The following USH2A variants were observed in gnomAD, a reference collection of about 807,000 sequenced individuals.
The protein encoded by USH2A is Usher syndrome 2A (autosomal recessive, mild).
USH2A carries 443 observed loss-of-function variants against 538.9 expected under a neutral mutation model. The ratio of observed to expected loss-of-function variants is 0.82; its 90% CI spans 0.76 to 0.89. USH2A has a LOEUF of 0.89. USH2A is among the 40% of genes least tolerant of loss of function. The pLI, the probability that USH2A is intolerant of heterozygous loss-of-function variation, is 0.00. For synonymous variants in USH2A, 2,413 were observed against 2,273.5 expected (o/e 1.06, Z -1.75); for missense variants, 6,633 against 6,324.8 (o/e 1.05, Z -1.65).
chr1:215,970,512 C>A (rs771994326), intron 36 of USH2A, 113 bp downstream of exon 36: 84 of 1,343,756 alleles, frequency 6.3e-5, no homozygotes, highest in Non-Finnish European at 8.6e-5. Flanking sequence ...ATCTCCCATC[C>A]TGCTTGAAAG....
intron 37 of USH2A, among the ~76,000 whole-genome samples, chr1:215,946,008 A>G (rs1666749499): frequency 6.6e-6 from 1 of 152,198 alleles, no homozygotes; most frequent in Non-Finnish European, 1.5e-5. Flanking sequence ...GAACTAGCCA[A>G]AAGAAGTCAT....
At chr1:216,378,252 TA>T (rs1319586007) in intron 3 of USH2A, among the ~76,000 whole-genome samples, 5 of 152,198 alleles carry the variant, frequency 3.3e-5, no homozygotes, top group Non-Finnish European at 5.9e-5. Context: ...CAACATCTAA[TA>T]TTTTTTTAAA....
chr1:215,751,607 G>A (rs1358266925), intron 58 of USH2A, among the ~76,000 whole-genome samples: 2 of 152,084 alleles, frequency 1.3e-5, no homozygotes, highest in African/African-American at 4.8e-5. Context: ...TATGTTCCAT[G>A]AAGCATTTGC....
chr1:215,817,164 T>A lies in USH2A; in HGVS notation c.9403A>T (p.Lys3135Ter). The change falls in exon 48 of 72, where the codon AAG (lysine) becomes TAG (stop). Residue 3135 changes from lysine to a stop codon, truncating the protein, a stop_gained. Coordinates refer to ENST00000307340, the MANE Select transcript of USH2A (RefSeq NM_206933.4). LOFTEE classifies it high-confidence loss of function. ...TATCCAAGAATGATGCCATTTGGCTTCCGTGGAGACACCCAATCAATTTGA... is the reference window on the plus strand; with the variant it reads ...TATCCAAGAATGATGCCATTTGGCTACCGTGGAGACACCCAATCAATTTGA... ...SLQIDWVSPR[K>*]PNGIILGYDL... The A allele has an allele frequency of 6.2e-7, 1 of 1,612,510 alleles. No individual in the cohort carries two copies. Among genetic ancestry groups the A allele is most frequent in the Non-Finnish European group, 8.5e-7 (1 of 1,178,866 alleles).
In USH2A at chr1:215,758,673, T is replaced by C. The variant is rs1188922034; in HGVS notation, c.11311A>G (p.Thr3771Ala). ...DDYIVQTPMS[T>A]PEEIYPPYNI... ...TATGGAGGATAGATTTCTTCTGGTGTTGACATAGGTGTTTGAACAATGTAA... is the reference window on the plus strand; with the variant it reads ...TATGGAGGATAGATTTCTTCTGGTGCTGACATAGGTGTTTGAACAATGTAA... The change falls in exon 58 of 72, where the codon ACA becomes GCA. Residue 3771 changes from threonine (T) to alanine (A), a missense_variant. Coordinates refer to ENST00000307340, the MANE Select transcript of USH2A (RefSeq NM_206933.4). 3.1e-6 allele frequency: 5 copies of C among 1,613,982 alleles called. No individual in the cohort carries two copies. The highest frequency in any genetic ancestry group is 4.2e-6 in the Non-Finnish European group (5 of 1,179,892).
At chr1:215,717,173 G>A (rs1263421420) in intron 61 of USH2A, among the ~76,000 whole-genome samples, 1 of 152,104 alleles carries the variant, frequency 6.6e-6, no homozygotes, top group Non-Finnish European at 1.5e-5. Context: ...TTGGCTCTTA[G>A]ACAACAAGTA....
chr1:215,966,842 G>T (rs1667359155), intron 36 of USH2A, among the ~76,000 whole-genome samples: 1 of 151,864 alleles, frequency 6.6e-6, no homozygotes, highest in South Asian at 2.1e-4. Context: ...AAGAATTAAG[G>T]GCAATTCCAG....
chr1:216,072,994 A>G, intron 28 of USH2A, 25 bp from the exon 29 acceptor site: 1 of 1,613,510 alleles, frequency 6.2e-7, no homozygotes, highest in Non-Finnish European at 8.5e-7. Flanking sequence ...AGATGCAGCA[A>G]GATTAAAATA....
At chr1:215,892,095 G>T (rs1665224342) in intron 40 of USH2A, among the ~76,000 whole-genome samples, 1 of 152,164 alleles carries the variant, frequency 6.6e-6, no homozygotes. Flanking sequence ...AGAGGAATCT[G>T]CTTATTTAGT....
rs116146054 is a variant in USH2A at position 216,321,124 on chromosome 1, T to C, written c.1644+759A>G. Among the ~76,000 whole-genome samples the C allele has an allele frequency of 4.8e-3, 725 of 152,288 alleles. 7 individuals are homozygous for C. The highest frequency in any genetic ancestry group is 0.017 in the African/African-American group (691 of 41,570). On this transcript the variant is annotated intron_variant, in intron 9 of 71. Transcript: ENST00000307340. ...TACAATCAGTAGAGCTCTAATTTTA[T>C]TTTCTTGCAAATTAGCAGCCAGTTG... is the stretch of plus-strand genomic sequence containing the variant.
chr1:216,223,945 C>G (rs2102507117), intron 14 of USH2A, among the ~76,000 whole-genome samples: 1 of 152,258 alleles, frequency 6.6e-6, no homozygotes, highest in Admixed American at 6.5e-5. Flanking sequence ...CAAAAATAAT[C>G]TGGGCATAGA....
intron 44 of USH2A, among the ~76,000 whole-genome samples, chr1:215,864,484 A>T (rs904930793): frequency 2.6e-5 from 4 of 152,162 alleles, no homozygotes; most frequent in Admixed American, 2.6e-4. Context: ...GACCAGGAAA[A>T]TGGGGACCGG....
At chr1:216,363,154 C>T (rs535158972) in intron 4 of USH2A, among the ~76,000 whole-genome samples, 22 of 152,112 alleles carry the variant, frequency 1.4e-4, no homozygotes, top group African/African-American at 5.1e-4. Flanking sequence ...CAATGCTGTA[C>T]ATTAAAATCC....
At chr1:216,129,337 C>A (rs542405668) in intron 21 of USH2A, among the ~76,000 whole-genome samples, 72 of 152,072 alleles carry the variant, frequency 4.7e-4, no homozygotes, top group African/African-American at 1.6e-3. Flanking sequence ...CACTGTTCTT[C>A]GTAGCGGCTA....
chr1:216,198,406 C>G lies in USH2A; in HGVS notation c.3990G>C (p.Glu1330Asp). ...PQTMTTITGL[E>D]PYTKYEFRVL... ...CTCTGAACTCATACTTGGTGTATGG[C>G]TCCAAGCCAGTGATGGTTGTCATTG... The change falls in exon 18 of 72, where the codon GAG becomes GAC. Residue 1330 changes from glutamate to aspartate, a missense_variant. Transcript: ENST00000307340. 1.2e-6 allele frequency: 2 copies of G among 1,614,014 alleles called. No homozygotes were observed. The highest frequency in any genetic ancestry group is 1.7e-4 in the Middle Eastern group (1 of 6,058).
At chr1:216,050,932 CA>C (rs2030763779) in intron 30 of USH2A, among the ~76,000 whole-genome samples, 1 of 152,012 alleles carries the variant, frequency 6.6e-6, no homozygotes, top group South Asian at 2.1e-4. Flanking sequence ...TTTTAAAGAT[CA>C]GCAGTGATCC....
At chr1:215,644,475 G>A (rs1157801077) in intron 67 of USH2A, among the ~76,000 whole-genome samples, 1 of 152,168 alleles carries the variant, frequency 6.6e-6, no homozygotes, top group African/African-American at 2.4e-5. Context: ...GAAACGGCAA[G>A]GGGACAAAGT....
At chr1:215,921,912 C>A (rs1052185336) in intron 38 of USH2A, among the ~76,000 whole-genome samples, 3 of 152,032 alleles carry the variant, frequency 2.0e-5, no homozygotes, top group Admixed American at 2.0e-4. Flanking sequence ...TGAGTGATCA[C>A]AACATCAAAA....
chr1:215,879,120 G>C (rs1349383615), intron 41 of USH2A, 22 bp from the exon 42 acceptor site: 4 of 1,598,258 alleles, frequency 2.5e-6, no homozygotes, highest in Non-Finnish European at 3.4e-6. Flanking sequence ...GATAAACTTA[G>C]AATCAGTGTG....
Sources: allele counts gnomAD v4.1 joint callset (sites outside exome capture counted in the v4.1 genomes callset), GRCh38; gene constraint gnomAD v4.1.1; transcripts MANE v1.5; gene names NCBI Gene and HGNC (gene_info 2026-07-23, HGNC 2026-07-21).